Variants in CHAF1B observed in about 807,000 individuals in gnomAD.
CHAF1B encodes the protein chromatin assembly factor 1 subunit B, also known as CAF-1 subunit B.
Under a neutral mutation model 60.7 loss-of-function variants are expected in CHAF1B, and 10 were observed. The observed-to-expected ratio is 0.16, with a 90% CI of 0.10 to 0.28. The LOEUF (loss-of-function observed/expected upper bound fraction) is 0.28. Among genes scored for constraint, CHAF1B ranks in the 10% least tolerant of loss-of-function variants. The probability of loss-of-function intolerance (pLI) is 1.00; values close to 1 mark genes in which losing one functional copy is unlikely to be tolerated. For missense variants in CHAF1B, 558 were observed against 708.4 expected, an observed-to-expected ratio of 0.79 and a Z score of 2.41; for synonymous variants, 261 against 266.1, an observed-to-expected ratio of 0.98 and a Z score of 0.19.
In CHAF1B at chr21:36,417,071, A is replaced by G. The variant is rs2086324962; in HGVS notation, c.*705A>G. On this transcript the variant is annotated 3_prime_UTR_variant, in exon 14 of 14. Transcript: ENST00000314103. ...TAGATTGGTTTTTCAAAGCAAAAAA[A>G]GTATCTTTTTTGTTTTTTGAGACAG... 1.3e-5 allele frequency: 2 copies of G among 152,088 alleles called. No individual in the cohort carries two copies. The highest frequency in any genetic ancestry group is 2.9e-5 in the Non-Finnish European group (2 of 68,016). The allele number at this position is 152,088 out of a possible 1,614,324, so 9.4% of individuals were successfully genotyped here.
chr21:36,411,531 T>C lies in CHAF1B; in HGVS notation c.988T>C (p.Tyr330His). ...AVASEDSVLL[Y>H]DTQQSFPFGY... ...GGCCTCGGAGGATTCCGTGCTTCTG[T>C]ATGACACCCAGCAGTCCTTCCCTTT... The change falls in exon 11 of 14, where the codon TAT becomes CAT. Residue 330 changes from tyrosine to histidine, a missense_variant. By Grantham distance (83) the Tyr-to-His change is moderately conservative (BLOSUM62 2). Around this residue, in one of 2 missense-constraint regions of CHAF1B, gnomAD observed 325 missense variants for 493.5 expected, o/e 0.66. Transcript: ENST00000314103. 6.2e-7 allele frequency: 1 copy of C among 1,614,140 alleles called. No homozygotes were observed. The highest frequency in any genetic ancestry group is 8.5e-7 in the Non-Finnish European group (1 of 1,180,022).
Position 36,411,597 on chromosome 21 carries a change from A to G in CHAF1B, c.1054A>G (p.Ile352Val). 6.2e-7 allele frequency: 1 copy of G among 1,613,934 alleles called. No individual in the cohort carries two copies. Among genetic ancestry groups the G allele is most frequent in the Non-Finnish European group, 8.5e-7 (1 of 1,179,952 alleles). Residue 352 changes from isoleucine to valine, a missense_variant, in exon 11 of 14, where the codon ATT (isoleucine) becomes GTT (valine). This residue lies in a region of CHAF1B where 325 missense variants were observed against 493.5 expected (regional missense o/e 0.66). Transcript: ENST00000314103. The stretch of plus-strand genomic sequence containing the variant: ...TATACATTACCACACCCTCAGTGAC[A>G]TTTCATGGTGAGTGGCTGCTAATGA... Reference protein sequence around the residue: ...SNIHYHTLSDISWSSDGAFLA... With the variant: ...SNIHYHTLSDVSWSSDGAFLA...
intron 4 of CHAF1B, among the ~76,000 whole-genome samples, chr21:36,392,455 G>GTACACA (rs1420219721): frequency 2.0e-5 from 3 of 152,190 alleles, no homozygotes; most frequent in Admixed American, 6.5e-5. Context: ...TCCCAGACGG[G>GTACACA]GTGGCGGCCG....
At chr21:36,410,343 T>C (rs2086268389) in intron 10 of CHAF1B, among the ~76,000 whole-genome samples, 2 of 152,226 alleles carry the variant, frequency 1.3e-5, no homozygotes, top group South Asian at 2.1e-4. Context: ...ATTTGGGAAG[T>C]TTCAGCCATT....
intron 5 of CHAF1B, 45 bp downstream of exon 5, chr21:36,394,695 C>G (rs754275775): frequency 7.9e-7 from 1 of 1,268,984 alleles, no homozygotes; most frequent in Non-Finnish European, 1.1e-6. Context: ...ATATTCTAAG[C>G]ATCTATAAAA....
intron 6 of CHAF1B, among the ~76,000 whole-genome samples, chr21:36,399,086 G>A (rs539152209): frequency 6.6e-6 from 1 of 150,882 alleles, no homozygotes; most frequent in East Asian, 1.9e-4. Flanking sequence ...GCCCAGGCTG[G>A]AGTGCAGTGC....
Position 36,409,379 on chromosome 21 carries a change from T to G in CHAF1B, c.833T>G (p.Ile278Ser). 2 of 1,612,724 alleles carry G rather than the reference T, an allele frequency of 1.2e-6. 1 individual carries two copies. Among genetic ancestry groups the G allele is most frequent in the South Asian group, 2.2e-5 (2 of 91,040 alleles). Residue 278 changes from isoleucine to serine, a missense_variant, in exon 10 of 14, where the codon ATC becomes AGC. Around this residue, in one of 2 missense-constraint regions of CHAF1B, gnomAD observed 325 missense variants for 493.5 expected, o/e 0.66. Coordinates refer to ENST00000314103, the MANE Select transcript of CHAF1B (RefSeq NM_005441.3). ...VFSRKNLKRP[I>S]AHLPCPGKAT... ...CACTGCAATTAATCCATTAGGCCCA[T>G]CGCTCATCTTCCATGTCCTGGAAAA... is the stretch of plus-strand genomic sequence containing the variant.
At chr21:36,391,199 A>G (rs1376528277) in intron 3 of CHAF1B, among the ~76,000 whole-genome samples, 1 of 152,186 alleles carries the variant, frequency 6.6e-6, no homozygotes, top group Non-Finnish European at 1.5e-5. Flanking sequence ...CTGATCTGTT[A>G]TGAATTTGAT....
intron 5 of CHAF1B, 72 bp downstream of exon 5, chr21:36,394,722 T>G: frequency 9.7e-7 from 1 of 1,033,576 alleles, no homozygotes. Flanking sequence ...AAGTCTAACT[T>G]GCTTTAACTT....
At chr21:36,388,546 A>G (rs8126861) in intron 3 of CHAF1B, among the ~76,000 whole-genome samples, 14,589 of 147,562 alleles carry the variant, frequency 0.099, 1,349 homozygotes, top group African/African-American at 0.25. Context: ...GGCTCACTGC[A>G]ACCTCTGCCT....
At chr21:36,389,604 C>CAA (rs745521824) in intron 3 of CHAF1B, among the ~76,000 whole-genome samples, 3,443 of 73,404 alleles carry the variant, frequency 0.047, 63 homozygotes, top group Admixed American at 0.073. Flanking sequence ...GAGTCTGTCT[C>CAA]AAAAAAAAAA....
At chr21:36,393,045 A>G (rs1397912362) in intron 4 of CHAF1B, among the ~76,000 whole-genome samples, 1 of 152,176 alleles carries the variant, frequency 6.6e-6, no homozygotes, top group Non-Finnish European at 1.5e-5. Flanking sequence ...CCCCATCTCC[A>G]CCAAAAAAAT....
intron 10 of CHAF1B, 79 bp downstream of exon 10, chr21:36,409,544 G>C: frequency 1.1e-6 from 1 of 949,692 alleles, no homozygotes; most frequent in East Asian, 2.5e-5. Flanking sequence ...TTTGGATTCT[G>C]TCTTATGGGG....
At position 36,413,323 on chromosome 21, in the gene CHAF1B, C is replaced by A; in HGVS notation, c.1493+8C>A. 6.5e-7 allele frequency: 1 copy of A among 1,548,362 alleles called. No individual in the cohort carries two copies. ...GAGCAAGACAACACCCCGGTAAGAA[C>A]TTGTTGGAACAAGATGTCATTGCAA... On this transcript the variant is annotated splice_region_variant and intron_variant, in intron 12 of 13. Coordinates refer to ENST00000314103, the MANE Select transcript of CHAF1B (RefSeq NM_005441.3).
intron 8 of CHAF1B, among the ~76,000 whole-genome samples, chr21:36,405,309 A>G (rs1263148535): frequency 6.6e-6 from 1 of 152,210 alleles, no homozygotes; most frequent in Non-Finnish European, 1.5e-5. Flanking sequence ...GGATATTATA[A>G]AATATATAAA....
At chr21:36,406,520 A>T (rs2086239367) in intron 8 of CHAF1B, among the ~76,000 whole-genome samples, 2 of 152,122 alleles carry the variant, frequency 1.3e-5, no homozygotes, top group African/African-American at 4.8e-5. Context: ...TTCTGATCTC[A>T]GGTGATCCAC....
At chr21:36,413,850 C>G (rs984478865) in intron 12 of CHAF1B, among the ~76,000 whole-genome samples, 3 of 152,232 alleles carry the variant, frequency 2.0e-5, no homozygotes, top group South Asian at 2.1e-4. Flanking sequence ...TCCAGTTCCC[C>G]TGCTGGTTGT....
At chr21:36,396,189 G>A (rs1221318404) in intron 5 of CHAF1B, among the ~76,000 whole-genome samples, 1 of 151,132 alleles carries the variant, frequency 6.6e-6, no homozygotes, top group Non-Finnish European at 1.5e-5. Context: ...TAGAAGAGAT[G>A]GGGTTTGCCC....
intron 10 of CHAF1B, among the ~76,000 whole-genome samples, chr21:36,411,222 T>C (rs2086275718): frequency 6.6e-6 from 1 of 151,788 alleles, no homozygotes; most frequent in African/African-American, 2.4e-5. Flanking sequence ...CAAGCGATTC[T>C]CCTGTCTCAG....
Sources: allele counts gnomAD v4.1 joint callset (sites outside exome capture counted in the v4.1 genomes callset), GRCh38; gene constraint gnomAD v4.1.1; regional missense constraint gnomAD v4.1.1; transcripts MANE v1.5; gene names NCBI Gene and HGNC (gene_info 2026-07-23, HGNC 2026-07-21).